NDUFAF5: variants seen among roughly 807,000 people sequenced by gnomAD.
NDUFAF5 encodes the protein arginine-hydroxylase NDUFAF5, mitochondrial.
NDUFAF5 carries 34 observed loss-of-function variants against 48.9 expected under a neutral mutation model. That is an observed-to-expected ratio of 0.70 (90% confidence interval 0.53 to 0.93). The LOEUF is 0.93. NDUFAF5 is among the 40% of genes least tolerant of loss of function. NDUFAF5 has a pLI of 0.00. For synonymous variants in NDUFAF5, 153 were observed against 150.6 expected (o/e 1.02, Z -0.12); for missense variants, 428 against 427.5 (o/e 1.00, Z -0.01).
chr20:13,815,073 G>A (rs140204508), intron 8 of NDUFAF5, among the ~76,000 whole-genome samples: 19 of 152,246 alleles, frequency 1.2e-4, no homozygotes, highest in Admixed American at 3.3e-4. Context: ...ATTGTTAGAA[G>A]GCATTTTAGA....
In NDUFAF5 at chr20:13,811,230, G is replaced by A. The variant is rs771604773; in HGVS notation, c.778+2328G>A. On this transcript the variant is annotated intron_variant, in intron 8 of 10. Transcript: ENST00000378106. ...GAGGAGCTGAGCACAGGTGGTTCCA[G>A]TGTGGTCAGGGATGGTCACGGTTGA... Among the ~76,000 whole-genome samples the A allele has an allele frequency of 2.0e-5, 3 of 152,192 alleles. No individual in the cohort carries two copies. In the East Asian group the frequency reaches 5.8e-4, roughly 29 times the overall value.
chr20:13,792,370 C>T (rs1356637695), intron 3 of NDUFAF5, among the ~76,000 whole-genome samples: 1 of 152,190 alleles, frequency 6.6e-6, no homozygotes, highest in Non-Finnish European at 1.5e-5. Context: ...TCTGAAGAAG[C>T]TTCTAGTAGG....
intron 4 of NDUFAF5, 23 bp from the exon 5 acceptor site, chr20:13,794,815 A>G (rs1185914240): frequency 2.3e-6 from 3 of 1,331,854 alleles, no homozygotes; most frequent in Non-Finnish European, 3.2e-6. Context: ...TGTGATTTTG[A>G]TCTTTCGTTT....
At chr20:13,787,444 A>C in intron 2 of NDUFAF5, 92 bp downstream of exon 2, 1 of 1,178,444 alleles carries the variant, frequency 8.5e-7, no homozygotes, top group Non-Finnish European at 1.3e-6. Flanking sequence ...GAAATGGCAG[A>C]ACCTGGAAGA....
Position 13,788,583 on chromosome 20 carries a change from T to G in NDUFAF5, c.264-6T>G. ...CAGAGCATAACCTCTGTGTCTTTTT[T>G]TTTAGAAATTTCCCCCTTGCTTTGG... On this transcript the variant is annotated splice_polypyrimidine_tract_variant and splice_region_variant and intron_variant, in intron 2 of 10. Coordinates refer to ENST00000378106, the MANE Select transcript of NDUFAF5 (RefSeq NM_024120.5). 1.2e-6 allele frequency: 2 copies of G among 1,607,550 alleles called. No homozygotes were observed. The highest frequency in any genetic ancestry group is 1.7e-6 in the Non-Finnish European group (2 of 1,174,074).
At chr20:13,809,006 T>C (rs1404748899) in intron 8 of NDUFAF5, 104 bp downstream of exon 8, 6 of 764,952 alleles carry the variant, frequency 7.8e-6, no homozygotes, top group Non-Finnish European at 4.7e-6. Flanking sequence ...GCCAGCTCTT[T>C]GGCAGGCACT....
chr20:13,807,995 C>G (rs970708678), intron 7 of NDUFAF5, among the ~76,000 whole-genome samples: 2 of 151,944 alleles, frequency 1.3e-5, no homozygotes, highest in Non-Finnish European at 2.9e-5. Flanking sequence ...AAGAATAAAC[C>G]CCTACTTTTA....
rs147075338 is a variant in NDUFAF5, at chr20:13,801,601, T to G, written c.635T>G (p.Phe212Cys). 6.2e-7 allele frequency: 1 copy of G among 1,613,954 alleles called. No homozygotes were observed. Among genetic ancestry groups the G allele is most frequent in the Non-Finnish European group, 8.5e-7 (1 of 1,179,990 alleles). ...GCGGAAACGGAAAGGGAAGGAGGAT[T>G]TTCTCCACACATTTCTCCTTTCACT... ...QLAETEREGG[F>C]SPHISPFTAV... is the part of the protein sequence containing the mutation. Residue 212 changes from phenylalanine to cysteine, a missense_variant, in exon 7 of 11, where the codon TTT becomes TGT. Transcript: ENST00000378106.
At chr20:13,787,404 A>G in intron 2 of NDUFAF5, 52 bp downstream of exon 2, 1 of 1,534,864 alleles carries the variant, frequency 6.5e-7, no homozygotes, top group Non-Finnish European at 9.0e-7. Context: ...GTGGAAATTC[A>G]GGAGATTAAA....
rs573783162 is a variant in NDUFAF5, at chr20:13,786,111, C to G, written c.222+821C>G. ...GTGAGCCAGAGACTGAGGGTTTCTACTTTCAGGACACGCATTCTCAAGTTC... is the reference window on the plus strand; with the variant it reads ...GTGAGCCAGAGACTGAGGGTTTCTAGTTTCAGGACACGCATTCTCAAGTTC... On this transcript the variant is annotated intron_variant, in intron 1 of 10. Coordinates refer to ENST00000378106, the MANE Select transcript of NDUFAF5 (RefSeq NM_024120.5). 2.6e-5 allele frequency among the ~76,000 whole-genome samples: 4 copies of G among 152,324 alleles called. No individual in the cohort carries two copies. The East Asian group carries it at 7.7e-4, about 29-fold the overall frequency.
chr20:13,795,439 C>T (rs538715855), intron 5 of NDUFAF5, among the ~76,000 whole-genome samples: 3 of 152,254 alleles, frequency 2.0e-5, no homozygotes, highest in African/African-American at 7.2e-5. Context: ...AACTCCTGCT[C>T]CCAACAATCA....
At chr20:13,798,614 G>A (rs1983630808) in intron 6 of NDUFAF5, 114 bp downstream of exon 6, 5 of 820,016 alleles carry the variant, frequency 6.1e-6, no homozygotes, top group South Asian at 4.3e-5. Context: ...AGTTGGGAAA[G>A]AAATCGGTGA....
In NDUFAF5 at chr20:13,817,471, A is replaced by G. The variant is rs561465225; in HGVS notation, c.*261A>G. On this transcript the variant is annotated 3_prime_UTR_variant, in exon 11 of 11. Coordinates refer to ENST00000378106, the MANE Select transcript of NDUFAF5 (RefSeq NM_024120.5). Reference sequence around the variant, plus strand: ...ATATTTCCCTAAAATATTTGCAAATAATGTTCACATATGTAAATGCCTTGG... The same window carrying G: ...ATATTTCCCTAAAATATTTGCAAATGATGTTCACATATGTAAATGCCTTGG... The G allele has an allele frequency of 1.7e-6, 1 of 579,938 alleles. No homozygotes were observed. Among genetic ancestry groups the G allele is most frequent in the South Asian group, 1.5e-5 (1 of 65,648 alleles). 35.9% of individuals were successfully genotyped at this position (579,938 alleles called of 1,614,324 possible).
At position 13,785,195 on chromosome 20, in the gene NDUFAF5, A is replaced by G. The variant is rs982575696; in HGVS notation, c.127A>G (p.Thr43Ala). Residue 43 changes from threonine (T) to alanine (A), a missense_variant, in exon 1 of 11, where the codon ACC becomes GCC. Coordinates refer to ENST00000378106, the MANE Select transcript of NDUFAF5 (RefSeq NM_024120.5). ...TCCCCGCGGTAGCACCTCGCCCAGAACCCTGAATATTTTCGACCGGGATTT... is the reference window on the plus strand; with the variant it reads ...TCCCCGCGGTAGCACCTCGCCCAGAGCCCTGAATATTTTCGACCGGGATTT... ...VSPRGSTSPR[T>A]LNIFDRDLKR... 3.7e-6 allele frequency: 6 copies of G among 1,613,790 alleles called. No individual in the cohort carries two copies. The Admixed American group carries it at 1.0e-4, about 27-fold the overall frequency.
At chr20:13,806,179 G>A (rs763090755) in intron 7 of NDUFAF5, among the ~76,000 whole-genome samples, 35 of 152,184 alleles carry the variant, frequency 2.3e-4, no homozygotes, top group Non-Finnish European at 4.4e-4. Flanking sequence ...GCTGATTTCC[G>A]TTTTAGAACT....
At chr20:13,801,950 T>G in intron 7 of NDUFAF5, 1 of 397,538 alleles carries the variant, frequency 2.5e-6, no homozygotes, top group South Asian at 2.7e-5. Context: ...GACAAATTTC[T>G]AAACATACAA....
In NDUFAF5 at chr20:13,794,939, A is replaced by AGC; in HGVS notation, c.477_478insGC (p.Ser160AlafsTer6). 3 of 1,592,128 alleles carry AGC rather than the reference A, an allele frequency of 1.9e-6. No homozygotes were observed. In the South Asian group the frequency reaches 3.3e-5, roughly 18 times the overall value. On this transcript the variant is annotated frameshift_variant and splice_region_variant, in exon 5 of 11. Transcript: ENST00000378106. LOFTEE classifies it high-confidence loss of function. ...CATTTGACCTGGTGGTTAGCAGTTT[A>AGC]AGGTTGGTAATCCACTTTTTAAAAA...
intron 5 of NDUFAF5, among the ~76,000 whole-genome samples, chr20:13,796,835 T>C (rs1983303840): frequency 6.6e-6 from 1 of 152,134 alleles, no homozygotes; most frequent in Admixed American, 6.5e-5. Flanking sequence ...AAAAATTAGC[T>C]GCATGTCATG....
intron 7 of NDUFAF5, among the ~76,000 whole-genome samples, chr20:13,805,922 G>A (rs1394905571): frequency 6.6e-6 from 1 of 151,836 alleles, no homozygotes; most frequent in Non-Finnish European, 1.5e-5. Flanking sequence ...GCAAGATCCT[G>A]TCTCCAAAAA....
Sources: allele counts gnomAD v4.1 joint callset (sites outside exome capture counted in the v4.1 genomes callset), GRCh38; gene constraint gnomAD v4.1.1; transcripts MANE v1.5; gene names NCBI Gene and HGNC (gene_info 2026-07-23, HGNC 2026-07-21).